The following PTPRS variants were observed in gnomAD, a reference collection of about 807,000 sequenced individuals.
The protein encoded by PTPRS is receptor-type tyrosine-protein phosphatase S.
Under a neutral mutation model 215.3 loss-of-function variants are expected in PTPRS, and 63 were observed. The ratio of observed to expected loss-of-function variants is 0.29; its 90% CI spans 0.24 to 0.36. The LOEUF is 0.36. Among genes scored for constraint, PTPRS ranks in the 10% least tolerant of loss-of-function variants. The pLI is 1.00. For missense variants in PTPRS, 2,258 were observed against 2,825.8 expected (o/e 0.80, Z 4.56); for synonymous variants, 1,404 against 1,191.4 (o/e 1.18, Z -3.68).
At chr19:5,211,936 G>C (rs372074197) in intron 32 of PTPRS, 29 bp downstream of exon 32, 2 of 1,553,014 alleles carry the variant, frequency 1.3e-6, no homozygotes, top group Non-Finnish European at 8.7e-7. Flanking sequence ...TCCCCACCCC[G>C]CCCACAGCAG....
At chr19:5,277,808 A>T in intron 2 of PTPRS, 1 of 752,582 alleles carries the variant, frequency 1.3e-6, no homozygotes, top group Non-Finnish European at 2.4e-6. Context: ...GGCACCAGTC[A>T]GACCAATATG....
rs749088097 is a variant in PTPRS, at chr19:5,336,015, AG to A, written c.-95+4648del. 3.9e-3 allele frequency among the ~76,000 whole-genome samples: 559 copies of A among 144,814 alleles called. 3 individuals are homozygous for A. Among genetic ancestry groups the A allele is most frequent in the Non-Finnish European group, 4.5e-3 (296 of 66,310 alleles). ...GGCAGCTCCATGGAGGAGGAGGAGG[AG>A]GAAAAAAAAAAAAGAGAGAGACAAA... On this transcript the variant is annotated intron_variant, in intron 1 of 37. Coordinates refer to ENST00000262963, the MANE Select transcript of PTPRS (RefSeq NM_002850.4).
At chr19:5,213,766 G>A (rs2041153641) in intron 30 of PTPRS, among the ~76,000 whole-genome samples, 1 of 152,206 alleles carries the variant, frequency 6.6e-6, no homozygotes, top group South Asian at 2.1e-4. Context: ...ACCTGGCTGG[G>A]TGTTGGGGAT....
In PTPRS at chr19:5,303,273, G is replaced by A. The variant is rs1441988070; in HGVS notation, c.-94-17039C>T. On this transcript the variant is annotated intron_variant, in intron 1 of 37. Coordinates refer to ENST00000262963, the MANE Select transcript of PTPRS (RefSeq NM_002850.4). The stretch of plus-strand genomic sequence containing the variant: ...GCTGATTTTTGTGGGTCTGAAGTCT[G>A]TAAAGATCAAGGAAACCGAGGCACA... Among the ~76,000 whole-genome samples, 10 of 152,116 alleles carry A rather than the reference G, an allele frequency of 6.6e-5. No homozygotes were observed. In the East Asian group the frequency reaches 1.9e-3, roughly 29 times the overall value.
At chr19:5,305,325 C>T (rs75142130) in intron 1 of PTPRS, among the ~76,000 whole-genome samples, 7,534 of 150,848 alleles carry the variant, frequency 0.05, 255 homozygotes, top group Middle Eastern at 0.092. Context: ...AAAGGAGGAC[C>T]ACTTGAGGCC....
intron 1 of PTPRS, among the ~76,000 whole-genome samples, chr19:5,307,950 A>G (rs1231131866): frequency 6.6e-6 from 1 of 152,202 alleles, no homozygotes. Context: ...TAGTAGACAG[A>G]GATCATCCGG....
At chr19:5,334,676 T>C (rs1395996598) in intron 1 of PTPRS, among the ~76,000 whole-genome samples, 1 of 152,208 alleles carries the variant, frequency 6.6e-6, no homozygotes, top group East Asian at 1.9e-4. Context: ...GCAGATGGAC[T>C]GCTGTCCAAA....
intron 2 of PTPRS, among the ~76,000 whole-genome samples, chr19:5,279,411 C>T (rs905949743): frequency 1.3e-5 from 2 of 151,516 alleles, no homozygotes; most frequent in African/African-American, 4.8e-5. Flanking sequence ...CTCACTCTCA[C>T]CCAAGGCTGG....
chr19:5,254,753 A>C (rs1359260633), intron 9 of PTPRS, among the ~76,000 whole-genome samples: 2 of 152,202 alleles, frequency 1.3e-5, no homozygotes, highest in African/African-American at 4.8e-5. Context: ...GGAAGCAGCC[A>C]GTGCTGCCTG....
chr19:5,214,702 G>A lies in PTPRS; in HGVS notation c.4353C>T (p.Tyr1451=), dbSNP rs1064299. 54 of 1,612,122 alleles carry A rather than the reference G, an allele frequency of 3.3e-5. No individual in the cohort carries two copies. Among genetic ancestry groups the A allele is most frequent in the Middle Eastern group, 3.3e-4 (2 of 6,056 alleles). The change falls in exon 29 of 38, where the codon TAC becomes TAT. Residue 1451 remains tyrosine, a synonymous_variant. Transcript: ENST00000262963. ...CGTTCTGACACCGGTAGCCGTCCAC[G>A]TAGTTGGCATTGATGTAATCACTGC... ...IMGSDYINAN[Y]VDGYRCQNAY... is the part of the protein sequence containing the mutation.
At chr19:5,272,595 CAAAAAAAAAAAAAA>C (rs10527451) in intron 4 of PTPRS, among the ~76,000 whole-genome samples, 59 of 73,436 alleles carry the variant, frequency 8.0e-4, no homozygotes, top group Admixed American at 7.9e-4. Context: ...AAGACTGTCT[CAAAAAAAAAAAAAA>C]AAAAAAAAAA....
At position 5,287,116 on chromosome 19, in the gene PTPRS, G is replaced by A. The variant is rs1294903749; in HGVS notation, c.-94-882C>T. Among the ~76,000 whole-genome samples, 3 of 152,022 alleles carry A rather than the reference G, an allele frequency of 2.0e-5. No individual in the cohort carries two copies. Among genetic ancestry groups the A allele is most frequent in the Non-Finnish European group, 4.4e-5 (3 of 68,022 alleles). ...CTTGCTGACTTCACTGTTTCCTCTC[G>A]CTTGGAGGTACAGCCAGGCCAGCCA... On this transcript the variant is annotated intron_variant, in intron 1 of 37. Coordinates refer to ENST00000262963, the MANE Select transcript of PTPRS (RefSeq NM_002850.4). The surrounding 1 kb of genome is among the most constrained non-coding windows in gnomAD (Gnocchi z 4.8).
intron 5 of PTPRS, among the ~76,000 whole-genome samples, chr19:5,263,295 C>T (rs927518966): frequency 4.6e-5 from 7 of 152,034 alleles, no homozygotes; most frequent in African/African-American, 1.2e-4. Context: ...AGATAGGAGG[C>T]GATTTGTCCC....
chr19:5,215,517 T>G lies in PTPRS; in HGVS notation c.4175A>C (p.Lys1392Thr). 6.2e-7 allele frequency: 1 copy of G among 1,612,072 alleles called. No homozygotes were observed. Among genetic ancestry groups the G allele is most frequent in the African/African-American group, 1.3e-5 (1 of 75,016 alleles). The change falls in exon 27 of 38, where the codon AAG (lysine) becomes ACG (threonine). Residue 1392 changes from lysine (K) to threonine (T), a missense_variant. By Grantham distance (78) the Lys-to-Thr change is moderately conservative. Coordinates refer to ENST00000262963, the MANE Select transcript of PTPRS (RefSeq NM_002850.4). ...GCTCACCTCATACTCCTGGGAGAGC[T>G]TGAGGCTGTCGTTGGCCTTGAGCCG... ...TERLKANDSL[K>T]LSQEYESIDP...
intron 12 of PTPRS, among the ~76,000 whole-genome samples, chr19:5,239,873 G>A (rs1285769394): frequency 3.9e-5 from 6 of 152,152 alleles, no homozygotes; most frequent in African/African-American, 7.2e-5. Context: ...AACAGACCCG[G>A]AGGGATGGAG....
intron 25 of PTPRS, among the ~76,000 whole-genome samples, chr19:5,218,186 G>A (rs964264493): frequency 6.8e-6 from 1 of 146,412 alleles, no homozygotes; most frequent in Non-Finnish European, 1.5e-5. Flanking sequence ...AGCAGCCATT[G>A]GTTAAATGTT....
At chr19:5,329,548 G>A (rs1160055094) in intron 1 of PTPRS, among the ~76,000 whole-genome samples, 2 of 148,908 alleles carry the variant, frequency 1.3e-5, no homozygotes, top group African/African-American at 2.5e-5. Context: ...GGCAGATCAC[G>A]AGGTCAGGAG....
Position 5,231,283 on chromosome 19 carries a change from G to A in PTPRS, c.2155+27C>T, listed in dbSNP as rs765391984. ...GGGGGCCGGGCTGGGGCCTGCGGGG[G>A]GTCCCGGGCCTGGGGCAGGTACTTA... On this transcript the variant is annotated intron_variant, in intron 14 of 37. Transcript: ENST00000262963. 23 of 1,573,818 alleles carry A rather than the reference G, an allele frequency of 1.5e-5. No individual in the cohort carries two copies. The South Asian group carries it at 2.4e-4, about 16-fold the overall frequency.
chr19:5,220,960 TG>T, intron 20 of PTPRS, 39 bp downstream of exon 20: 1 of 1,571,602 alleles, frequency 6.4e-7, no homozygotes, highest in East Asian at 2.3e-5. Flanking sequence ...AGTAGGCTGA[TG>T]GGGGTGACAA....
Sources: allele counts gnomAD v4.1 joint callset (sites outside exome capture counted in the v4.1 genomes callset), GRCh38; gene constraint gnomAD v4.1.1; non-coding constraint Gnocchi (gnomAD v3.1); transcripts MANE v1.5; gene names NCBI Gene and HGNC (gene_info 2026-07-23, HGNC 2026-07-21).